KYNU: variants seen among roughly 807,000 people sequenced by gnomAD.
The protein encoded by KYNU is kynureninase.
Under a neutral mutation model 59.2 loss-of-function variants are expected in KYNU, and 54 were observed. The ratio of observed to expected loss-of-function variants is 0.91; its 90% CI spans 0.73 to 1.14. KYNU has a LOEUF of 1.14. KYNU is among the 50% of genes most tolerant of loss of function. The pLI is 0.00. For synonymous variants in KYNU, 177 were observed against 192.0 expected (o/e 0.92, Z 0.65); for missense variants, 567 against 554.4 (o/e 1.02, Z -0.23).
intron 1 of KYNU, among the ~76,000 whole-genome samples, chr2:142,880,117 A>C (rs2105016071): frequency 6.6e-6 from 1 of 152,314 alleles, no homozygotes; most frequent in Admixed American, 6.5e-5. Context: ...TCGAACTGCC[A>C]CTTTGGCGGC....
intron 12 of KYNU, among the ~76,000 whole-genome samples, chr2:143,038,848 A>C (rs1253719200): frequency 6.6e-6 from 1 of 152,162 alleles, no homozygotes; most frequent in African/African-American, 2.4e-5. Flanking sequence ...GACTTGATAA[A>C]GTCTCAATAT....
intron 4 of KYNU, among the ~76,000 whole-genome samples, chr2:142,932,875 G>T (rs369978944): frequency 6.6e-6 from 1 of 152,196 alleles, no homozygotes; most frequent in Non-Finnish European, 1.5e-5. Context: ...TTTGGAAAAG[G>T]TATAAGAAAG....
chr2:143,003,301 C>A (rs1288889972), intron 10 of KYNU, among the ~76,000 whole-genome samples: 1 of 152,088 alleles, frequency 6.6e-6, no homozygotes, highest in Non-Finnish European at 1.5e-5. Flanking sequence ...GGGTGGCTCA[C>A]ACCTATAATC....
rs562560301 is a variant in KYNU, at chr2:142,985,298, A to G, written c.828+116A>G. 134 of 719,416 alleles carry G rather than the reference A, an allele frequency of 1.9e-4. No homozygotes were observed. The Admixed American group carries it at 2.6e-3, about 14-fold the overall frequency. 44.6% of individuals were successfully genotyped at this position (719,416 alleles called of 1,614,324 possible). ...TTGAGTTACTTTCCCTATTTCTTTT[A>G]TTGTATTTTCTGCTTTTTGTTAATC... is the stretch of plus-strand genomic sequence containing the variant. On this transcript the variant is annotated intron_variant, in intron 9 of 13. Coordinates refer to ENST00000264170, the MANE Select transcript of KYNU (RefSeq NM_003937.3).
At chr2:143,041,723 G>C (rs1214778119) in intron 13 of KYNU, among the ~76,000 whole-genome samples, 1 of 151,314 alleles carries the variant, frequency 6.6e-6, no homozygotes, top group African/African-American at 2.4e-5. Flanking sequence ...AAGAATTCCA[G>C]TCCTTCCATG....
At chr2:142,911,473 G>A (rs1682478033) in intron 2 of KYNU, among the ~76,000 whole-genome samples, 1 of 151,868 alleles carries the variant, frequency 6.6e-6, no homozygotes, top group South Asian at 2.1e-4. Flanking sequence ...GAGTCTTTAG[G>A]GTTTTCTAGG....
Position 142,916,465 on chromosome 2 carries a change from T to C in KYNU, c.170-2144T>C, listed in dbSNP as rs528039816. Among the ~76,000 whole-genome samples the C allele has an allele frequency of 1.7e-3, 256 of 152,264 alleles. 2 individuals carry two copies. Among genetic ancestry groups the C allele is most frequent in the African/African-American group, 5.9e-3 (244 of 41,568 alleles). Reference sequence around the variant, plus strand: ...TGTATGGCTTGGAAAGCCTGAAATATTTACTTTCTGGCTTTTTACAGAAAA... The same window carrying C: ...TGTATGGCTTGGAAAGCCTGAAATACTTACTTTCTGGCTTTTTACAGAAAA... On this transcript the variant is annotated intron_variant, in intron 2 of 13. Transcript: ENST00000264170.
At chr2:142,888,421 G>C (rs1471650200) in intron 2 of KYNU, among the ~76,000 whole-genome samples, 1 of 152,104 alleles carries the variant, frequency 6.6e-6, no homozygotes, top group African/African-American at 2.4e-5. Flanking sequence ...TCACACCACT[G>C]AACTCCAGCC....
chr2:142,881,875 G>C (rs1008023659), intron 1 of KYNU, among the ~76,000 whole-genome samples: 5 of 150,686 alleles, frequency 3.3e-5, no homozygotes, highest in Non-Finnish European at 7.4e-5. Flanking sequence ...GACCACAGGT[G>C]CATGCCAGTG....
intron 10 of KYNU, among the ~76,000 whole-genome samples, chr2:142,996,427 C>G (rs1685547949): frequency 6.6e-6 from 1 of 152,010 alleles, no homozygotes; most frequent in South Asian, 2.1e-4. Flanking sequence ...TTGTGTTGCC[C>G]ACGCTGGTCT....
intron 4 of KYNU, among the ~76,000 whole-genome samples, chr2:142,949,031 C>T (rs552669253): frequency 6.6e-6 from 1 of 152,352 alleles, no homozygotes; most frequent in African/African-American, 2.4e-5. Flanking sequence ...GGGCTACAGG[C>T]CCCATGCAAG....
intron 1 of KYNU, chr2:142,881,238 T>C (rs1238887937): frequency 6.6e-6 from 1 of 152,220 alleles, no homozygotes; most frequent in Non-Finnish European, 1.5e-5. Flanking sequence ...TCCATCAATG[T>C]TGAAATCCTA....
At chr2:142,900,148 C>T (rs1158296443) in intron 2 of KYNU, among the ~76,000 whole-genome samples, 1 of 152,178 alleles carries the variant, frequency 6.6e-6, no homozygotes, top group Admixed American at 6.5e-5. Context: ...TTAGGATGAA[C>T]CTGGGCACTT....
At chr2:142,955,348 C>T (rs999698115) in intron 5 of KYNU, among the ~76,000 whole-genome samples, 1 of 152,046 alleles carries the variant, frequency 6.6e-6, no homozygotes, top group Admixed American at 6.5e-5. Context: ...GTACTTCTTA[C>T]ATCTTACTCA....
At chr2:143,018,483 C>G (rs1024492749) in intron 10 of KYNU, among the ~76,000 whole-genome samples, 1 of 152,048 alleles carries the variant, frequency 6.6e-6, no homozygotes, top group Non-Finnish European at 1.5e-5. Flanking sequence ...TCTGTCCTGT[C>G]CTATTGGTCT....
chr2:143,040,326 G>T (rs1687005293), intron 12 of KYNU, 102 bp from the exon 13 acceptor site: 1 of 783,222 alleles, frequency 1.3e-6, no homozygotes, highest in African/African-American at 1.7e-5. Flanking sequence ...TTATTGGAAA[G>T]ATCAAATATG....
rs570101568 is a variant in KYNU, at chr2:142,906,569, G to A, written c.170-12040G>A. 5.9e-5 allele frequency among the ~76,000 whole-genome samples: 9 copies of A among 152,214 alleles called. 1 individual carries two copies. The highest frequency in any genetic ancestry group is 2.1e-4 in the South Asian group (1 of 4,816). On this transcript the variant is annotated intron_variant, in intron 2 of 13. Coordinates refer to ENST00000264170, the MANE Select transcript of KYNU (RefSeq NM_003937.3). ...TAGATGCCTAAGGATGCAGCATAGCGCTTCCTTAGATCCCTTTGGAGATAC... is the reference window on the plus strand; with the variant it reads ...TAGATGCCTAAGGATGCAGCATAGCACTTCCTTAGATCCCTTTGGAGATAC...
chr2:142,949,272 C>T (rs1027562493), intron 4 of KYNU, among the ~76,000 whole-genome samples: 1 of 152,164 alleles, frequency 6.6e-6, no homozygotes, highest in African/African-American at 2.4e-5. Flanking sequence ...ATCTACCACT[C>T]TGGGGACTGG....
chr2:142,956,121 T>G, intron 5 of KYNU, 82 bp from the exon 6 acceptor site: 1 of 784,204 alleles, frequency 1.3e-6, no homozygotes, highest in East Asian at 2.6e-5. Context: ...TACTGGAGAT[T>G]ATAAAATGAT....
Sources: allele counts gnomAD v4.1 joint callset (sites outside exome capture counted in the v4.1 genomes callset), GRCh38; gene constraint gnomAD v4.1.1; transcripts MANE v1.5; gene names NCBI Gene and HGNC (gene_info 2026-07-23, HGNC 2026-07-21).